The following HPSE variants were observed in gnomAD, a reference collection of about 807,000 sequenced individuals.
The protein encoded by HPSE is heparanase.
Under a neutral mutation model 65.1 loss-of-function variants are expected in HPSE, and 48 were observed. That is an observed-to-expected ratio of 0.74 (90% CI 0.58 to 0.94). The LOEUF is 0.94. HPSE is among the 40% of genes least tolerant of loss of function. The pLI is 0.00. For missense variants in HPSE, 644 were observed against 637.5 expected (o/e 1.01, Z -0.11); for synonymous variants, 243 against 260.0 (o/e 0.93, Z 0.63).
chr4:83,324,017 A>G (rs1466172802), intron 1 of HPSE, among the ~76,000 whole-genome samples: 1 of 151,254 alleles, frequency 6.6e-6, no homozygotes, highest in African/African-American at 2.4e-5. Context: ...AATGCTAGCA[A>G]CTCTTGGAAT....
At chr4:83,299,140 G>C (rs1433474359) in intron 11 of HPSE, among the ~76,000 whole-genome samples, 1 of 151,914 alleles carries the variant, frequency 6.6e-6, no homozygotes, top group African/African-American at 2.4e-5. Flanking sequence ...AAGGCAGGTG[G>C]ATCACTTGAG....
At chr4:83,334,979 G>A, upstream of HPSE, 1 of 801,496 alleles carries the variant, frequency 1.2e-6, no homozygotes, top group Non-Finnish European at 1.8e-6. Context: ...ATCCAACCCC[G>A]CCCCGCCTGC....
Position 83,308,862 on chromosome 4 carries a change from G to C in HPSE, c.1074C>G (p.Thr358=). The part of the protein sequence containing the change: ...YGGGAPLLSD[T]FAAGFMWLDK... ...TCACTCACATAAAGCCAGCTGCAAAGGTGTCGGATAGCAAGGGCGCTCCGC... is the reference window on the plus strand; with the variant it reads ...TCACTCACATAAAGCCAGCTGCAAACGTGTCGGATAGCAAGGGCGCTCCGC... Residue 358 remains threonine (T), a synonymous_variant, in exon 8 of 12, where the codon ACC becomes ACG. Coordinates refer to ENST00000311412, the MANE Select transcript of HPSE (RefSeq NM_001098540.3). 5 of 1,613,770 alleles carry C rather than the reference G, an allele frequency of 3.1e-6. No homozygotes were observed. The African/African-American group carries it at 4.0e-5, about 13-fold the overall frequency.
Position 83,326,339 on chromosome 4 carries a change from C to T in HPSE, c.228-3975G>A, listed in dbSNP as rs1241432570. Among the ~76,000 whole-genome samples the T allele has an allele frequency of 2.6e-5, 4 of 152,216 alleles. No homozygotes were observed. In the South Asian group the frequency reaches 6.2e-4, roughly 24 times the overall value. On this transcript the variant is annotated intron_variant, in intron 1 of 11. Coordinates refer to ENST00000311412, the MANE Select transcript of HPSE (RefSeq NM_001098540.3). This position sits in a 1 kb window ranked among gnomAD's most constrained non-coding sequence, Gnocchi z 4.2. ...CCTCCCAAAGTGCTGGGATTATAGGCATGAGCTATTGTACCTGGCCTAGAT... is the reference window on the plus strand; with the variant it reads ...CCTCCCAAAGTGCTGGGATTATAGGTATGAGCTATTGTACCTGGCCTAGAT...
At chr4:83,298,045 T>C (rs902783848) in intron 11 of HPSE, among the ~76,000 whole-genome samples, 1 of 152,238 alleles carries the variant, frequency 6.6e-6, no homozygotes, top group African/African-American at 2.4e-5. Context: ...CATCAGGCTA[T>C]ATTGCTTAAT....
intron 2 of HPSE, among the ~76,000 whole-genome samples, chr4:83,319,782 C>T (rs556304041): frequency 4.6e-5 from 7 of 152,124 alleles, no homozygotes; most frequent in Admixed American, 6.5e-5. Context: ...AATTACTGGC[C>T]GGGTGCAGTG....
intron 11 of HPSE, among the ~76,000 whole-genome samples, chr4:83,296,491 T>C (rs909253538): frequency 3.9e-5 from 6 of 152,030 alleles, no homozygotes; most frequent in Non-Finnish European, 7.4e-5. Context: ...CTGGCCAACA[T>C]GGCAAAACTC....
chr4:83,334,465 T>C (rs1737530539), intron 1 of HPSE, 91 bp downstream of exon 1: 1 of 1,397,228 alleles, frequency 7.2e-7, no homozygotes, highest in Admixed American at 2.5e-5. Flanking sequence ...TGTGAAGTTG[T>C]TTCCGCGCAA....
intron 11 of HPSE, among the ~76,000 whole-genome samples, chr4:83,300,569 C>CCAA (rs1256266487): frequency 3.4e-4 from 8 of 23,708 alleles, no homozygotes; most frequent in East Asian, 0.014. Context: ...AATTATTACA[C>CCAA]TTTGGGAGGA....
At chr4:83,314,148 T>C (rs1441970571) in intron 3 of HPSE, among the ~76,000 whole-genome samples, 2 of 151,410 alleles carry the variant, frequency 1.3e-5, no homozygotes, top group Non-Finnish European at 2.9e-5. Flanking sequence ...AGCTAGCTAC[T>C]TGGGAGGCTG....
At chr4:83,318,601 A>T (rs1169110134) in intron 3 of HPSE, among the ~76,000 whole-genome samples, 2 of 151,764 alleles carry the variant, frequency 1.3e-5, no homozygotes, top group Non-Finnish European at 2.9e-5. Context: ...CTCATAATGA[A>T]TAGGAGGCTA....
chr4:83,333,239 A>C (rs1376717641), intron 1 of HPSE, among the ~76,000 whole-genome samples: 1 of 152,222 alleles, frequency 6.6e-6, no homozygotes, highest in Non-Finnish European at 1.5e-5. Flanking sequence ...AACACTGAGA[A>C]GCTCTTACCA....
At chr4:83,316,798 A>G (rs1237459150) in intron 3 of HPSE, among the ~76,000 whole-genome samples, 1 of 152,206 alleles carries the variant, frequency 6.6e-6, no homozygotes, top group Non-Finnish European at 1.5e-5. Context: ...GTCATCTTCT[A>G]CTTAAGTGGA....
intron 3 of HPSE, among the ~76,000 whole-genome samples, chr4:83,313,648 A>T (rs1736511529): frequency 6.6e-6 from 1 of 152,228 alleles, no homozygotes; most frequent in Non-Finnish European, 1.5e-5. Flanking sequence ...TTCATAATCT[A>T]AATATCTCTA....
intron 1 of HPSE, among the ~76,000 whole-genome samples, chr4:83,333,920 A>G (rs1737502713): frequency 6.6e-6 from 1 of 152,204 alleles, no homozygotes; most frequent in South Asian, 2.1e-4. Flanking sequence ...TCTTAAATAC[A>G]GAAGGCTATG....
intron 9 of HPSE, 40 bp downstream of exon 9, chr4:83,306,163 A>T: frequency 8.1e-7 from 1 of 1,239,854 alleles, no homozygotes; most frequent in Non-Finnish European, 1.2e-6. Context: ...AGTTGACTTT[A>T]ATCTACTCCA....
At chr4:83,335,092 C>T (rs972293577), upstream of HPSE, 1 of 314,664 alleles carries the variant, frequency 3.2e-6, no homozygotes, top group Admixed American at 5.0e-5. Context: ...TGGCCGGGAT[C>T]CAAGCGCCCG....
intron 1 of HPSE, among the ~76,000 whole-genome samples, chr4:83,324,794 T>A (rs1488148576): frequency 6.6e-6 from 1 of 152,192 alleles, no homozygotes; most frequent in East Asian, 1.9e-4. Flanking sequence ...TATTGTTTAA[T>A]GGGTACAGAG....
intron 11 of HPSE, among the ~76,000 whole-genome samples, chr4:83,297,643 C>T (rs151047056): frequency 3.7e-4 from 57 of 152,306 alleles, no homozygotes; most frequent in African/African-American, 1.1e-3. Flanking sequence ...CCTAATGAGA[C>T]GCTCAGCCCT....
Sources: gnomAD v4.1 joint callset for allele counts (sites outside exome capture counted in the v4.1 genomes callset) on GRCh38, gnomAD v4.1.1 for gene constraint, Gnocchi (gnomAD v3.1) non-coding constraint, MANE v1.5 for transcripts, NCBI Gene and HGNC (gene_info 2026-07-23, HGNC 2026-07-21) for gene names.